Variants in ANKDD1A observed in about 807,000 individuals in gnomAD.
The protein encoded by ANKDD1A is ankyrin repeat and death domain containing 1A.
Under a neutral mutation model 63.5 loss-of-function variants are expected in ANKDD1A, and 59 were observed. The observed-to-expected ratio is 0.93, with a 90% CI of 0.75 to 1.15. ANKDD1A has a LOEUF of 1.15. Ranked by LOEUF, ANKDD1A falls within the 50% of genes most tolerant of loss-of-function variation. ANKDD1A has a pLI of 0.00. For missense variants in ANKDD1A, 632 were observed against 656.4 expected (o/e 0.96, Z 0.41); for synonymous variants, 266 against 263.9 (o/e 1.01, Z -0.08).
intron 1 of ANKDD1A, 32 bp downstream of exon 1, chr15:64,911,996 G>GCCCCC: frequency 3.1e-6 from 1 of 320,722 alleles, no homozygotes; most frequent in Non-Finnish European, 5.4e-6. Context: ...AGGGGGGCGG[G>GCCCCC]CCGAGGCCGA....
intron 14 of ANKDD1A, chr15:64,950,440 A>G (rs908622551): frequency 2.0e-6 from 2 of 985,314 alleles, no homozygotes; most frequent in Admixed American, 1.2e-4. Context: ...CAAAAGCCTG[A>G]TATGGGATTC....
intron 10 of ANKDD1A, 106 bp downstream of exon 10, chr15:64,942,671 ACTT>A: frequency 3.8e-6 from 2 of 529,234 alleles, no homozygotes; most frequent in Non-Finnish European, 5.5e-6. Context: ...TTGAGGAATC[ACTT>A]TTTTTTTTTT....
chr15:64,952,193 C>CTTCTTCTTCTTTCCTCT (rs1405750316), intron 14 of ANKDD1A, among the ~76,000 whole-genome samples: 5 of 142,942 alleles, frequency 3.5e-5, no homozygotes, highest in Non-Finnish European at 7.6e-5. Flanking sequence ...TCTACTTTTT[C>CTTCTTCTTCTTTCCTCT]TTCTTCTTCT....
Position 64,922,016 on chromosome 15 carries a change from C to T in ANKDD1A, c.363C>T (p.Ser121=). The T allele has an allele frequency of 6.2e-7, 1 of 1,614,036 alleles. No individual in the cohort carries two copies. The highest frequency in any genetic ancestry group is 8.5e-7 in the Non-Finnish European group (1 of 1,179,912). ...CAGGGGCCAAGATCCACTGTGAGAG[C>T]AAGGTAAGGCCTCAGCTGGTAGACC... ...VNSGAKIHCE[S]KDGLTLLHCA... Residue 121 remains serine (S), a synonymous_variant, in exon 4 of 15, where the codon AGC becomes AGT. Transcript: ENST00000319580.
chr15:64,915,963 A>T, intron 2 of ANKDD1A, 63 bp downstream of exon 2: 5 of 1,487,702 alleles, frequency 3.4e-6, no homozygotes, highest in Non-Finnish European at 3.7e-6. Flanking sequence ...GCCAGTACAC[A>T]GGGGGAATAG....
At chr15:64,951,456 TCTTTTCTC>T (rs1197891462) in intron 14 of ANKDD1A, 1 of 38,516 alleles carries the variant, frequency 2.6e-5, no homozygotes, top group African/African-American at 6.0e-5. Context: ...CCCTTTCTTT[TCTTTTCTC>T]TTTTTTCTTT....
At chr15:64,912,304 G>A (rs2084937576) in intron 1 of ANKDD1A, among the ~76,000 whole-genome samples, 1 of 152,208 alleles carries the variant, frequency 6.6e-6, no homozygotes, top group Non-Finnish European at 1.5e-5. Flanking sequence ...TCTTCGCTGC[G>A]GCCATATGGG....
At chr15:64,912,078 G>A in intron 1 of ANKDD1A, 114 bp downstream of exon 1, 1 of 1,069,248 alleles carries the variant, frequency 9.4e-7, no homozygotes, top group Non-Finnish European at 1.2e-6. Flanking sequence ...CCTCCGTGTG[G>A]GGCGTCTGTG....
chr15:64,934,666 A>ATTTTTTT (rs557531003), intron 9 of ANKDD1A, among the ~76,000 whole-genome samples: 5 of 119,886 alleles, frequency 4.2e-5, no homozygotes, highest in Non-Finnish European at 5.2e-5. Flanking sequence ...TGCCCAGCTA[A>ATTTTTTT]TTTTTTTTTT....
At chr15:64,923,818 C>G (rs190055342) in intron 4 of ANKDD1A, among the ~76,000 whole-genome samples, 7 of 152,266 alleles carry the variant, frequency 4.6e-5, no homozygotes, top group Admixed American at 3.9e-4. Context: ...CCTGGGGAAT[C>G]CAGTGCTGTC....
chr15:64,915,370 C>T (rs1409581822), intron 1 of ANKDD1A, among the ~76,000 whole-genome samples: 2 of 152,202 alleles, frequency 1.3e-5, no homozygotes, highest in African/African-American at 2.4e-5. Context: ...TCACCCGGCG[C>T]TGGCACGCAG....
At chr15:64,937,611 C>G (rs1229861583) in intron 9 of ANKDD1A, among the ~76,000 whole-genome samples, 1 of 151,984 alleles carries the variant, frequency 6.6e-6, no homozygotes, top group African/African-American at 2.4e-5. Flanking sequence ...GCCTGTAGTC[C>G]CAGCTATTCA....
intron 4 of ANKDD1A, among the ~76,000 whole-genome samples, chr15:64,925,374 T>C (rs1238452863): frequency 3.3e-5 from 5 of 152,174 alleles, no homozygotes; most frequent in Non-Finnish European, 7.3e-5. Flanking sequence ...TAATCTGACC[T>C]TAATACAAGG....
chr15:64,927,084 G>A (rs531962954), intron 6 of ANKDD1A, 85 bp downstream of exon 6: 266 of 1,405,600 alleles, frequency 1.9e-4, no homozygotes, highest in African/African-American at 9.9e-4. Flanking sequence ...CTGTGTCCAC[G>A]TCTGACTCCG....
At chr15:64,913,038 G>A (rs1054667424) in intron 1 of ANKDD1A, among the ~76,000 whole-genome samples, 3 of 152,210 alleles carry the variant, frequency 2.0e-5, no homozygotes, top group African/African-American at 7.2e-5. Flanking sequence ...GTGGATGGAA[G>A]AGATGAGACT....
At chr15:64,953,561 TCCTCC>T (rs2085346998) in intron 14 of ANKDD1A, among the ~76,000 whole-genome samples, 1 of 137,012 alleles carries the variant, frequency 7.3e-6, no homozygotes. Flanking sequence ...CCTTCTTTCT[TCCTCC>T]TTCTTCTTAG....
At chr15:64,956,855 T>C (rs76582858) in intron 14 of ANKDD1A, among the ~76,000 whole-genome samples, 151,964 of 152,338 alleles carry the variant, frequency 1, 75,796 homozygotes, top group Middle Eastern at 1. Context: ...GCCCAGCCAT[T>C]TTTGGATTCT....
chr15:64,954,606 C>T (rs183055857), intron 14 of ANKDD1A, among the ~76,000 whole-genome samples: 232 of 138,604 alleles, frequency 1.7e-3, no homozygotes, highest in African/African-American at 5.6e-3. Context: ...TCTCCTTCTT[C>T]CTCCTCCTTC....
intron 9 of ANKDD1A, among the ~76,000 whole-genome samples, chr15:64,940,441 T>TAGATA (rs1420931679): frequency 1.3e-5 from 2 of 148,638 alleles, no homozygotes; most frequent in Non-Finnish European, 3.0e-5. Flanking sequence ...GATATATAGA[T>TAGATA]ATTTTTTTTG....
Sources: gnomAD v4.1 joint callset for allele counts (sites outside exome capture counted in the v4.1 genomes callset) on GRCh38, gnomAD v4.1.1 for gene constraint, MANE v1.5 for transcripts, NCBI Gene and HGNC (gene_info 2026-07-23, HGNC 2026-07-21) for gene names.